Variants in KCNT1 observed in about 807,000 individuals in gnomAD.
KCNT1 encodes potassium sodium-activated channel subfamily T member 1.
A neutral mutation model predicts 147.8 loss-of-function variants in KCNT1; 78 were observed. That is an observed-to-expected ratio of 0.53 (90% CI 0.44 to 0.64). The LOEUF (loss-of-function observed/expected upper bound fraction) is 0.64, where lower values mean the gene tolerates loss of function less well. KCNT1 is among the 30% of genes least tolerant of loss of function. The pLI is 0.00. For missense variants in KCNT1, 1,419 were observed against 1,750.3 expected (o/e 0.81, Z 3.38); for synonymous variants, 867 against 748.8 (o/e 1.16, Z -2.58).
chr9:135,757,213 C>T lies in KCNT1; in HGVS notation c.658C>T (p.Leu220=). 3 of 1,612,512 alleles carry T rather than the reference C, an allele frequency of 1.9e-6. No individual in the cohort carries two copies. The highest frequency in any genetic ancestry group is 1.6e-4 in the Middle Eastern group (1 of 6,062). Residue 220 remains leucine, a synonymous_variant, in exon 8 of 31, where the codon CTG becomes TTG. Coordinates refer to ENST00000371757, the MANE Select transcript of KCNT1 (RefSeq NM_020822.3). ...CTTCGTCCTGGAGATGATCAACACT[C>T]TGCCCTTCATCATCACGGTGGGTGA... ...VSFVLEMINT[L]PFIITIFWPP... is the part of the protein sequence containing the mutation.
chr9:135,772,948 G>A lies in KCNT1; in HGVS notation c.2242G>A (p.Glu748Lys). 6.8e-7 allele frequency: 1 copy of A among 1,479,800 alleles called. No homozygotes were observed. Among genetic ancestry groups the A allele is most frequent in the South Asian group, 1.4e-5 (1 of 73,986 alleles). 91.7% of individuals were successfully genotyped at this position (1,479,800 alleles called of 1,614,324 possible). The change falls in exon 19 of 31, where the codon GAG becomes AAG. Residue 748 changes from glutamate to lysine, a missense_variant and splice_region_variant. Glu to Lys is a moderately conservative substitution (Grantham distance 56). Coordinates refer to ENST00000371757, the MANE Select transcript of KCNT1 (RefSeq NM_020822.3). Reference sequence around the variant, plus strand: ...GGACGACGAGGGGCTCTCCGTGGTAGAGTGAGTGCTGCCTTGGAGACGGCT... The same window carrying A: ...GGACGACGAGGGGCTCTCCGTGGTAAAGTGAGTGCTGCCTTGGAGACGGCT... ...PSDDEGLSVV[E>K]YVKGYPPNSP...
chr9:135,751,250 G>A (rs1205394041), intron 4 of KCNT1, among the ~76,000 whole-genome samples: 1 of 151,996 alleles, frequency 6.6e-6, no homozygotes, highest in African/African-American at 2.4e-5. Context: ...TAGGGAGAAG[G>A]GTCCCCATCG....
intron 3 of KCNT1, chr9:135,750,638 CA>C (rs371259275): frequency 1.9e-6 from 1 of 521,260 alleles, no homozygotes; most frequent in African/African-American, 1.9e-5. Context: ...AGGGGCTCCA[CA>C]TTCACCTGCC....
In KCNT1 at chr9:135,734,756, TG is replaced by T. The variant is rs1328265718; in HGVS notation, c.255-15339del. Among the ~76,000 whole-genome samples the T allele has an allele frequency of 2.0e-4, 31 of 152,254 alleles. No homozygotes were observed. In the East Asian group the frequency reaches 5.8e-3, roughly 28 times the overall value. On this transcript the variant is annotated intron_variant, in intron 2 of 30. Coordinates refer to ENST00000371757, the MANE Select transcript of KCNT1 (RefSeq NM_020822.3). ...CGTGAGGCTTCCTCCAGCACTGCGG[TG>T]GGCTGTGGGTTCGTTCCCAGGGAAT...
rs1321361366 is a variant in KCNT1, at chr9:135,757,194, C to T, written c.639C>T (p.Val213=). Residue 213 remains valine, a synonymous_variant, in exon 8 of 31, where the codon GTC becomes GTT. Coordinates refer to ENST00000371757, the MANE Select transcript of KCNT1 (RefSeq NM_020822.3). ...AGCAGATCTTCCGCGTGTCCTTCGT[C>T]CTGGAGATGATCAACACTCTGCCCT... ...IWEQIFRVSF[V]LEMINTLPFI... 1 of 1,599,248 alleles carries T rather than the reference C, an allele frequency of 6.3e-7. No homozygotes were observed. The highest frequency in any genetic ancestry group is 8.5e-7 in the Non-Finnish European group (1 of 1,172,808).
In KCNT1 at chr9:135,768,850, G is replaced by T. The variant is rs144956052; in HGVS notation, c.1423G>T (p.Ala475Ser). Residue 475 changes from alanine to serine, a missense_variant, in exon 15 of 31, where the codon GCC becomes TCC. By Grantham distance (99) the Ala-to-Ser change is moderately conservative. This residue lies in a region of KCNT1 where 401 missense variants were observed against 610.6 expected (regional missense o/e 0.66). Coordinates refer to ENST00000371757, the MANE Select transcript of KCNT1 (RefSeq NM_020822.3). ...TAADHQTILR[A>S]WAVKDFAPNC... is the part of the protein sequence containing the mutation. ...CCAGGACCACCAGACCATCCTGCGC[G>T]CCTGGGCCGTGAAGGACTTCGCCCC... The T allele has an allele frequency of 6.2e-7, 1 of 1,612,900 alleles. No individual in the cohort carries two copies.
In KCNT1 at chr9:135,794,281, G is replaced by C. The variant is rs1033213974; in HGVS notation, c.*2120G>C. On this transcript the variant is annotated 3_prime_UTR_variant, in exon 31 of 31. Coordinates refer to ENST00000371757, the MANE Select transcript of KCNT1 (RefSeq NM_020822.3). ...GGCCACTCCACCACCATGAGGCCGG[G>C]AGGCATCTTAGCCTTTGAGCCTCTC... The C allele has an allele frequency of 2.0e-5, 3 of 152,272 alleles. No homozygotes were observed. The highest frequency in any genetic ancestry group is 2.0e-4 in the Admixed American group (3 of 15,292). 9.4% of individuals were successfully genotyped at this position (152,272 alleles called of 1,614,324 possible).
rs544813795 is a variant in KCNT1, at chr9:135,781,148, T to TGG, written c.2841+1679_2841+1680insGG. On this transcript the variant is annotated intron_variant, in intron 24 of 30. Coordinates refer to ENST00000371757, the MANE Select transcript of KCNT1 (RefSeq NM_020822.3). ...CGGCCAGCTCTCCATCTCAGAGCAGTGAACAGTCCTGGGCTCCAGCTCCAG... is the reference window on the plus strand; with the variant it reads ...CGGCCAGCTCTCCATCTCAGAGCAGTGGGAACAGTCCTGGGCTCCAGCTCCAG... 5.4e-3 allele frequency among the ~76,000 whole-genome samples: 817 copies of TGG among 152,294 alleles called. 6 individuals carry two copies. The highest frequency in any genetic ancestry group is 0.019 in the African/African-American group (776 of 41,562).
chr9:135,792,316 A>C lies in KCNT1; in HGVS notation c.*155A>C. ...ACTCCACCCTGGAAAGGAGCCCCTC[A>C]TGCGGGGGGAGGGCCAGCTCACCCC... On this transcript the variant is annotated 3_prime_UTR_variant, in exon 31 of 31. Transcript: ENST00000371757. 11 of 982,220 alleles carry C rather than the reference A, an allele frequency of 1.1e-5. No individual in the cohort carries two copies. Among genetic ancestry groups the C allele is most frequent in the Non-Finnish European group, 1.4e-5 (10 of 693,740 alleles). The allele number at this position is 982,220 out of a possible 1,614,324, so 60.8% of individuals were successfully genotyped here.
chr9:135,773,888 C>T (rs769394147), intron 19 of KCNT1, among the ~76,000 whole-genome samples: 2 of 152,188 alleles, frequency 1.3e-5, no homozygotes, highest in East Asian at 1.9e-4. Context: ...CCCCACCAGC[C>T]GGGGGTGCTG....
intron 29 of KCNT1, among the ~76,000 whole-genome samples, chr9:135,788,480 G>A (rs751749171): frequency 2.0e-5 from 3 of 152,246 alleles, no homozygotes; most frequent in South Asian, 4.1e-4. Context: ...TGCTGTTTAC[G>A]ATGAGCTCTG....
chr9:135,786,392 G>C lies in KCNT1; in HGVS notation c.3373G>C (p.Gly1125Arg), dbSNP rs1246301313. Reference protein sequence around the residue: ...RLSRKAPKQAGRAAAAEWISQ... With the variant: ...RLSRKAPKQARRAAAAEWISQ... ...GAGCCGCAAGGCGCCCAAGCAGGCA[G>C]GCCGGGCGGCGGCCGCGGAGTGGAT... Residue 1125 changes from glycine (G) to arginine (R), a missense_variant, in exon 29 of 31, where the codon GGC becomes CGC. Transcript: ENST00000371757. 1 of 1,574,570 alleles carries C rather than the reference G, an allele frequency of 6.4e-7. No homozygotes were observed. The highest frequency in any genetic ancestry group is 1.8e-5 in the Admixed American group (1 of 54,246).
chr9:135,783,498 G>C (rs948970775), intron 24 of KCNT1, among the ~76,000 whole-genome samples: 1 of 152,218 alleles, frequency 6.6e-6, no homozygotes, highest in African/African-American at 2.4e-5. Flanking sequence ...TGTCGTTTTA[G>C]CTGCTAAGTT....
chr9:135,758,968 C>T (rs914416568), intron 10 of KCNT1, among the ~76,000 whole-genome samples: 3 of 152,220 alleles, frequency 2.0e-5, no homozygotes, highest in Non-Finnish European at 4.4e-5. Flanking sequence ...GCTGCTCTGC[C>T]TTGGGTCCCA....
chr9:135,702,428 GT>G (rs1835071394), intron 1 of KCNT1, 60 bp downstream of exon 1: 3 of 1,291,916 alleles, frequency 2.3e-6, no homozygotes, highest in Non-Finnish European at 3.3e-6. Flanking sequence ...AGACCCCCAA[GT>G]TCCCCCTCAG....
intron 2 of KCNT1, among the ~76,000 whole-genome samples, chr9:135,745,519 G>A (rs570446002): frequency 6.6e-6 from 1 of 152,374 alleles, no homozygotes; most frequent in South Asian, 2.1e-4. Flanking sequence ...CGTGGGTCCT[G>A]ATGGTTTGAG....
At position 135,768,903 on chromosome 9, in the gene KCNT1, C is replaced by A. The variant is rs756062584; in HGVS notation, c.1476C>A (p.Leu492=). Residue 492 remains leucine, a synonymous_variant, in exon 15 of 31, where the codon CTC becomes CTA. Transcript: ENST00000371757. ...APNCPLYVQI[L]KPENKFHVKF... Reference sequence around the variant, plus strand: ...ACTGCCCCCTCTACGTCCAGATCCTCAAACCTGAAAACAAGTTTCACGTCA... The same window carrying A: ...ACTGCCCCCTCTACGTCCAGATCCTAAAACCTGAAAACAAGTTTCACGTCA... 2.5e-6 allele frequency: 4 copies of A among 1,613,572 alleles called. No individual in the cohort carries two copies. Among genetic ancestry groups the A allele is most frequent in the Non-Finnish European group, 8.5e-7 (1 of 1,179,904 alleles).
At chr9:135,731,992 A>ATATATATAGAGAGAGAGG (rs60849506) in intron 2 of KCNT1, among the ~76,000 whole-genome samples, 1 of 22,566 alleles carries the variant, frequency 4.4e-5, no homozygotes, top group African/African-American at 1.9e-4. Flanking sequence ...ATATATATAT[A>ATATATATAGAGAGAGAGG]GAGAGAGAGA....
At chr9:135,775,904 C>G (rs1833137868) in intron 20 of KCNT1, among the ~76,000 whole-genome samples, 1 of 152,150 alleles carries the variant, frequency 6.6e-6, no homozygotes, top group African/African-American at 2.4e-5. Context: ...ACTCCTTTCT[C>G]GTTACTCTCC....
Sources: allele counts gnomAD v4.1 joint callset (sites outside exome capture counted in the v4.1 genomes callset), GRCh38; gene constraint gnomAD v4.1.1; regional missense constraint gnomAD v4.1.1; transcripts MANE v1.5; gene names NCBI Gene and HGNC (gene_info 2026-07-23, HGNC 2026-07-21).